Variants in ETNPPL observed in about 807,000 individuals in gnomAD.
ETNPPL encodes alanine--glyoxylate aminotransferase 2-like 1.
A neutral mutation model predicts 55.5 loss-of-function variants in ETNPPL; 30 were observed. That is an observed-to-expected ratio of 0.54 (90% CI 0.40 to 0.73). The LOEUF is 0.73. Among genes scored for constraint, ETNPPL ranks in the 30% least tolerant of loss-of-function variants. ETNPPL has a pLI of 0.00. For missense variants in ETNPPL, 528 were observed against 607.9 expected, an observed-to-expected ratio of 0.87 and a Z score of 1.38; for synonymous variants, 202 against 207.2, an observed-to-expected ratio of 0.98 and a Z score of 0.21.
In ETNPPL at chr4:108,747,178, AT is replaced by A. The variant is rs1179370930; in HGVS notation, c.1083-328del. On this transcript the variant is annotated intron_variant, in intron 9 of 12. Coordinates refer to ENST00000296486, the MANE Select transcript of ETNPPL (RefSeq NM_031279.4). ...ATATATATATATTATATATATATAT[AT>A]AATATATATATATATTATATATATA... 1.4e-3 allele frequency among the ~76,000 whole-genome samples: 16 copies of A among 11,724 alleles called. 4 individuals carry two copies. The highest frequency in any genetic ancestry group is 6.0e-3 in the African/African-American group (12 of 2,000). The allele number at this position is 11,724 out of a possible 152,430, so 7.7% of individuals were successfully genotyped here.
At chr4:108,749,688 G>A (rs1728803050) in intron 7 of ETNPPL, among the ~76,000 whole-genome samples, 1 of 152,026 alleles carries the variant, frequency 6.6e-6, no homozygotes. Context: ...TTGGGTTTGT[G>A]CTACTTAAAG....
At chr4:108,747,461 G>T in intron 9 of ETNPPL, among the ~76,000 whole-genome samples, 2 of 150,284 alleles carry the variant, frequency 1.3e-5, no homozygotes, top group African/African-American at 2.4e-5. Context: ...TATTGTTGTT[G>T]GTTTATTTAT....
chr4:108,749,434 A>G lies in ETNPPL; in HGVS notation c.731T>C (p.Ile244Thr). 3 of 1,614,134 alleles carry G rather than the reference A, an allele frequency of 1.9e-6. No individual in the cohort carries two copies. Among genetic ancestry groups the G allele is most frequent in the East Asian group, 4.5e-5 (2 of 44,872 alleles). The change falls in exon 8 of 13, where the codon ATA becomes ACA. Residue 244 changes from isoleucine to threonine, a missense_variant. Ile to Thr is a moderately conservative substitution (Grantham distance 89). Coordinates refer to ENST00000296486, the MANE Select transcript of ETNPPL (RefSeq NM_031279.4). The stretch of plus-strand genomic sequence containing the variant: ...AAAGCCCACTTGAACTTCATCAGCT[A>G]TAAACACACCCCCTGCACCGTGTAC... ...EYVHGAGGVFIADEVQVGFGR... is the reference protein window; with the variant it reads ...EYVHGAGGVFTADEVQVGFGR...
At chr4:108,744,849 T>C (rs956631351) in intron 11 of ETNPPL, among the ~76,000 whole-genome samples, 2 of 151,390 alleles carry the variant, frequency 1.3e-5, no homozygotes, top group Non-Finnish European at 2.9e-5. Context: ...TCCCAAGTAG[T>C]TGGAACTACA....
intron 7 of ETNPPL, 109 bp downstream of exon 7, chr4:108,750,827 A>T (rs553242966): frequency 2.9e-5 from 24 of 816,690 alleles, no homozygotes; most frequent in South Asian, 2.3e-4. Flanking sequence ...AGGTGTGGCT[A>T]TTTACCAGCT....
At position 108,762,956 on chromosome 4, in the gene ETNPPL, C is replaced by T; in HGVS notation, c.-58G>A. On this transcript the variant is annotated 5_prime_UTR_variant, in exon 1 of 13. Coordinates refer to ENST00000296486, the MANE Select transcript of ETNPPL (RefSeq NM_031279.4). ...AGGTGCAAGGTCTGCGCGCCTCCTA[C>T]GCGAGCCTGGGACTGCCTTGGCGGC... 1 of 1,560,464 alleles carries T rather than the reference C, an allele frequency of 6.4e-7. No homozygotes were observed. Among genetic ancestry groups the T allele is most frequent in the South Asian group, 1.1e-5 (1 of 89,868 alleles).
At chr4:108,756,846 A>C (rs1729230201) in intron 3 of ETNPPL, among the ~76,000 whole-genome samples, 1 of 152,174 alleles carries the variant, frequency 6.6e-6, no homozygotes. Context: ...ACAAAAAAAA[A>C]CATTTAGGAT....
At position 108,760,185 on chromosome 4, in the gene ETNPPL, T is replaced by C. The variant is rs754224984; in HGVS notation, c.175+3A>G. Reference sequence around the variant, plus strand: ...CAAAGCACTGCAAGGACAGGACATTTACCATGGGCAACATTGTTGATGCAG... The same window carrying C: ...CAAAGCACTGCAAGGACAGGACATTCACCATGGGCAACATTGTTGATGCAG... On this transcript the variant is annotated splice_donor_region_variant and intron_variant, in intron 2 of 12. Transcript: ENST00000296486. The C allele has an allele frequency of 6.4e-7, 1 of 1,566,418 alleles. No individual in the cohort carries two copies. The highest frequency in any genetic ancestry group is 1.1e-5 in the South Asian group (1 of 89,662).
chr4:108,752,137 A>T (rs1281005925), intron 6 of ETNPPL, among the ~76,000 whole-genome samples: 1 of 152,242 alleles, frequency 6.6e-6, no homozygotes, highest in Non-Finnish European at 1.5e-5. Flanking sequence ...ACAGTTAAGA[A>T]ATGTGAATGG....
At position 108,750,993 on chromosome 4, in the gene ETNPPL, A is replaced by T. The variant is rs192932817; in HGVS notation, c.644T>A (p.Met215Lys). Residue 215 changes from methionine to lysine, a missense_variant, in exon 7 of 13, where the codon ATG (methionine) becomes AAG (lysine). Transcript: ENST00000296486. ...AATTATTTGTCCGCCACAACTCTGC[A>T]TGGATTCAGCAATAAAGGCAGCAAT... The part of the protein sequence containing the change: ...RKIAAFIAES[M>K]QSCGGQIIPP... 6.2e-7 allele frequency: 1 copy of T among 1,613,302 alleles called. No homozygotes were observed. The highest frequency in any genetic ancestry group is 8.5e-7 in the Non-Finnish European group (1 of 1,179,502).
intron 12 of ETNPPL, among the ~76,000 whole-genome samples, chr4:108,743,533 T>C (rs1728318518): frequency 6.6e-6 from 1 of 152,168 alleles, no homozygotes; most frequent in Non-Finnish European, 1.5e-5. Flanking sequence ...TAGGCCCTCT[T>C]TGCAGGCCCA....
At chr4:108,746,989 G>C in intron 9 of ETNPPL, 138 bp from the exon 10 acceptor site, 1 of 551,702 alleles carries the variant, frequency 1.8e-6, no homozygotes, top group South Asian at 2.9e-5. Flanking sequence ...TATGTTCACA[G>C]TTGTTTCTAC....
intron 9 of ETNPPL, among the ~76,000 whole-genome samples, chr4:108,747,143 TA>T (rs5860941): frequency 0.28 from 10,680 of 37,718 alleles, 2,246 homozygotes; most frequent in East Asian, 0.65. Flanking sequence ...TATATATATA[TA>T]TATAATATAT....
At chr4:108,754,906 A>T (rs1729124782) in intron 4 of ETNPPL, 196 bp from the exon 5 acceptor site, 1 of 495,316 alleles carries the variant, frequency 2.0e-6, no homozygotes, top group Non-Finnish European at 3.5e-6. Flanking sequence ...TTCTTCTTTT[A>T]CATGTAATAA....
At chr4:108,755,768 T>C (rs1288150676) in intron 4 of ETNPPL, among the ~76,000 whole-genome samples, 1 of 152,088 alleles carries the variant, frequency 6.6e-6, no homozygotes, top group East Asian at 1.9e-4. Context: ...TTGCAATGAG[T>C]GGAGATCGCG....
chr4:108,760,017 T>C, intron 2 of ETNPPL, 109 bp from the exon 3 acceptor site: 1 of 1,246,932 alleles, frequency 8.0e-7, no homozygotes, highest in Non-Finnish European at 1.1e-6. Flanking sequence ...CAAACAAAAG[T>C]TGAGTTCCTT....
chr4:108,745,466 C>G (rs1026384820), intron 11 of ETNPPL, among the ~76,000 whole-genome samples: 2 of 151,940 alleles, frequency 1.3e-5, no homozygotes, highest in Admixed American at 1.3e-4. Flanking sequence ...TGGTGGCATG[C>G]TCCTGTAGTC....
intron 9 of ETNPPL, among the ~76,000 whole-genome samples, chr4:108,747,623 A>G (rs1214443268): frequency 6.6e-6 from 1 of 152,002 alleles, no homozygotes; most frequent in Non-Finnish European, 1.5e-5. Context: ...AACAGTGGTG[A>G]TATCTGGATT....
chr4:108,749,112 A>G (rs1289297981), intron 8 of ETNPPL, 126 bp downstream of exon 8: 7 of 604,630 alleles, frequency 1.2e-5, no homozygotes, highest in South Asian at 2.3e-5. Context: ...ATAAGAAAAA[A>G]CTTTGGCCAG....
Sources: gnomAD v4.1 joint callset for allele counts (sites outside exome capture counted in the v4.1 genomes callset) on GRCh38, gnomAD v4.1.1 for gene constraint, MANE v1.5 for transcripts, NCBI Gene and HGNC (gene_info 2026-07-23, HGNC 2026-07-21) for gene names.